Variants in BABAM2 observed in about 807,000 individuals in gnomAD.
BABAM2 encodes the protein BRISC and BRCA1-A complex member 2.
A neutral mutation model predicts 54.7 loss-of-function variants in BABAM2; 31 were observed. That is an observed-to-expected ratio of 0.57 (90% CI 0.43 to 0.77). BABAM2 has a LOEUF of 0.77. BABAM2 is among the 30% of genes least tolerant of loss of function. BABAM2 has a pLI of 0.00. For missense variants in BABAM2, 364 were observed against 455.8 expected (o/e 0.80, Z 1.83); for synonymous variants, 167 against 162.9 (o/e 1.03, Z -0.19).
At chr2:28,283,451 A>G (rs935285607) in intron 10 of BABAM2, among the ~76,000 whole-genome samples, 1 of 152,220 alleles carries the variant, frequency 6.6e-6, no homozygotes, top group African/African-American at 2.4e-5. Flanking sequence ...CAAGAGGGTC[A>G]CCACTTCTCT....
At chr2:28,328,797 C>T (rs892788655) in intron 11 of BABAM2, among the ~76,000 whole-genome samples, 1 of 152,158 alleles carries the variant, frequency 6.6e-6, no homozygotes, top group African/African-American at 2.4e-5. Context: ...CCCTGCCACA[C>T]CCAGTAGTGT....
intron 10 of BABAM2, among the ~76,000 whole-genome samples, chr2:28,261,390 G>A (rs1401200943): frequency 2.0e-5 from 3 of 149,664 alleles, no homozygotes; most frequent in Non-Finnish European, 4.4e-5. Context: ...GCAGTGGCAC[G>A]AGGATCTTGG....
At chr2:27,914,723 C>T (rs1292065575) in intron 2 of BABAM2, among the ~76,000 whole-genome samples, 3 of 152,080 alleles carry the variant, frequency 2.0e-5, no homozygotes, top group Non-Finnish European at 2.9e-5. Context: ...CAAAAGTACA[C>T]GTCATGTAAT....
At chr2:28,270,992 A>C (rs779280248) in intron 10 of BABAM2, among the ~76,000 whole-genome samples, 51 of 152,306 alleles carry the variant, frequency 3.3e-4, no homozygotes, top group Middle Eastern at 3.4e-3. Context: ...GGTCTACATG[A>C]GATGCAGGCA....
At chr2:27,902,488 G>GAATCA (rs1293886643) in intron 2 of BABAM2, among the ~76,000 whole-genome samples, 1 of 152,116 alleles carries the variant, frequency 6.6e-6, no homozygotes, top group African/African-American at 2.4e-5. Context: ...TTGCCAGATT[G>GAATCA]AATCATTTTC....
intron 2 of BABAM2, among the ~76,000 whole-genome samples, chr2:27,895,791 C>T (rs1665250334): frequency 6.6e-6 from 1 of 152,144 alleles, no homozygotes; most frequent in Non-Finnish European, 1.5e-5. Context: ...TCTCATTCCT[C>T]CCCGTTTATT....
chr2:28,308,398 C>G (rs1180593662), intron 11 of BABAM2: 4 of 512,358 alleles, frequency 7.8e-6, no homozygotes, highest in Non-Finnish European at 1.2e-5. Context: ...ATCAGGTTCC[C>G]CCAACCACTG....
At chr2:28,201,939 C>G (rs113345704) in intron 7 of BABAM2, among the ~76,000 whole-genome samples, 2 of 152,216 alleles carry the variant, frequency 1.3e-5, no homozygotes, top group Middle Eastern at 3.4e-3. Flanking sequence ...GATACAGAAC[C>G]GGTGTTCTGT....
chr2:28,057,726 TA>T (rs1678542217), intron 6 of BABAM2, among the ~76,000 whole-genome samples: 1 of 152,142 alleles, frequency 6.6e-6, no homozygotes. Context: ...GGATAATACT[TA>T]ATTATTAAGA....
intron 7 of BABAM2, among the ~76,000 whole-genome samples, chr2:28,208,510 T>C (rs1231585381): frequency 6.6e-6 from 1 of 152,212 alleles, no homozygotes; most frequent in Non-Finnish European, 1.5e-5. Flanking sequence ...AGGGGTGCCC[T>C]GAGGCACTGC....
rs1160332279 is a variant in BABAM2 at position 28,325,573 on chromosome 2, C to T, written c.1089-12877C>T. Among the ~76,000 whole-genome samples the T allele has an allele frequency of 6.6e-6, 1 of 152,224 alleles. No individual in the cohort carries two copies. The highest frequency in any genetic ancestry group is 1.5e-5 in the Non-Finnish European group (1 of 68,042). On this transcript the variant is annotated intron_variant, in intron 11 of 11. Coordinates refer to ENST00000379624, the MANE Select transcript of BABAM2 (RefSeq NM_199191.3). The surrounding 1 kb of genome is among the most constrained non-coding windows in gnomAD (Gnocchi z 4.3). ...GGAGAGTGGAGCTTGGACACCCTCT[C>T]CCATTGAGTAGTTTCTTCTTTGGGA...
chr2:27,988,709 A>G (rs1429534122), intron 4 of BABAM2, among the ~76,000 whole-genome samples: 3 of 152,214 alleles, frequency 2.0e-5, no homozygotes, highest in African/African-American at 7.2e-5. Flanking sequence ...AAGCATACGT[A>G]CTTACTAAAA....
intron 3 of BABAM2, among the ~76,000 whole-genome samples, chr2:27,943,524 G>A (rs539709746): frequency 6.9e-4 from 105 of 152,172 alleles, no homozygotes; most frequent in Non-Finnish European, 2.8e-4. Context: ...TTTTTCATTC[G>A]CGCTCACAAA....
intron 2 of BABAM2, among the ~76,000 whole-genome samples, chr2:27,913,501 A>G (rs1271872350): frequency 6.6e-6 from 1 of 152,198 alleles, no homozygotes; most frequent in Non-Finnish European, 1.5e-5. Context: ...AGATGGTTAT[A>G]CAAATAAAAA....
chr2:28,236,973 T>C (rs1196531334), intron 7 of BABAM2, among the ~76,000 whole-genome samples: 2 of 152,212 alleles, frequency 1.3e-5, no homozygotes, highest in African/African-American at 4.8e-5. Context: ...AATTTTCTAA[T>C]TTGTACTGTT....
At chr2:28,086,912 T>G (rs557438205) in intron 6 of BABAM2, among the ~76,000 whole-genome samples, 45 of 152,334 alleles carry the variant, frequency 3.0e-4, no homozygotes, top group South Asian at 2.3e-3. Flanking sequence ...AAAGAAACAT[T>G]TATCTCATCT....
chr2:28,059,847 C>G (rs897900565), intron 6 of BABAM2, among the ~76,000 whole-genome samples: 2 of 152,090 alleles, frequency 1.3e-5, no homozygotes, highest in Admixed American at 6.5e-5. Flanking sequence ...ATTTGGATAG[C>G]CTTGTGTCTA....
intron 7 of BABAM2, among the ~76,000 whole-genome samples, chr2:28,205,151 T>C (rs942620257): frequency 6.6e-6 from 1 of 152,090 alleles, no homozygotes; most frequent in Non-Finnish European, 1.5e-5. Flanking sequence ...CCCATTGATA[T>C]AGGGAAAGAG....
intron 5 of BABAM2, among the ~76,000 whole-genome samples, chr2:28,027,774 G>T (rs1457292220): frequency 6.6e-6 from 1 of 152,168 alleles, no homozygotes; most frequent in African/African-American, 2.4e-5. Flanking sequence ...AAGCATTCGT[G>T]TGTAAGTATT....
Sources: allele counts gnomAD v4.1 joint callset (sites outside exome capture counted in the v4.1 genomes callset), GRCh38; gene constraint gnomAD v4.1.1; non-coding constraint Gnocchi (gnomAD v3.1); transcripts MANE v1.5; gene names NCBI Gene and HGNC (gene_info 2026-07-23, HGNC 2026-07-21).